Variants in CDCP1 observed in about 807,000 individuals in gnomAD.
CDCP1 encodes CUB domain containing protein 1.
Under a neutral mutation model 60.2 loss-of-function variants are expected in CDCP1, and 29 were observed. The observed-to-expected ratio is 0.48, with a 90% CI of 0.36 to 0.66. The LOEUF is 0.66. Ranked by LOEUF, CDCP1 falls within the 30% of genes least tolerant of loss-of-function variation. CDCP1 has a pLI of 0.00. For synonymous variants in CDCP1, 387 were observed against 431.1 expected (o/e 0.90, Z 1.27); for missense variants, 876 against 1,074.3 (o/e 0.82, Z 2.58).
intron 2 of CDCP1, among the ~76,000 whole-genome samples, chr3:45,114,444 T>A (rs186300372): frequency 1.3e-5 from 2 of 150,192 alleles, no homozygotes. Context: ...GGAGATGCAG[T>A]CTTGCTCTGT....
rs752110191 is a variant in CDCP1, at chr3:45,095,353, T to C, written c.1240A>G (p.Thr414Ala). Residue 414 changes from threonine (T) to alanine (A), a missense_variant, in exon 5 of 9, where the codon ACC becomes GCC. Physicochemically the swap from Thr to Ala is moderately conservative, Grantham distance 58. Coordinates refer to ENST00000296129, the MANE Select transcript of CDCP1 (RefSeq NM_022842.5). ...CACTGATTCAGGGGCGTACTTATGG[T>C]TTTTTCCACATTCATCCACAGACGT... is the stretch of plus-strand genomic sequence containing the variant. ...LTRLWMNVEK[T>A]ISCTDHRYCQ... 3 of 1,613,888 alleles carry C rather than the reference T, an allele frequency of 1.9e-6. No individual in the cohort carries two copies. In the African/African-American group the frequency reaches 4.0e-5, roughly 22 times the overall value.
At chr3:45,126,558 A>G (rs1475970856) in intron 1 of CDCP1, among the ~76,000 whole-genome samples, 1 of 152,144 alleles carries the variant, frequency 6.6e-6, no homozygotes, top group Non-Finnish European at 1.5e-5. Context: ...AGACTGGTAA[A>G]TTGAGGTGTA....
intron 6 of CDCP1, among the ~76,000 whole-genome samples, chr3:45,092,062 C>T (rs1450971940): frequency 4.6e-5 from 7 of 152,082 alleles, no homozygotes; most frequent in African/African-American, 1.4e-4. Context: ...CCCAAAGAGC[C>T]GGGATTATAG....
In CDCP1 at chr3:45,085,510, GTC is replaced by G; in HGVS notation, c.*126_*127del. ...CACTGAGCAATGTGAAGTTGGCGGT[GTC>G]CAGGAAAACCTCCTGCTGTTCCTTC... On this transcript the variant is annotated 3_prime_UTR_variant, in exon 9 of 9. Coordinates refer to ENST00000296129, the MANE Select transcript of CDCP1 (RefSeq NM_022842.5). This position sits in a 1 kb window ranked among gnomAD's most constrained non-coding sequence, Gnocchi z 4.2. 3 of 944,888 alleles carry G rather than the reference GTC, an allele frequency of 3.2e-6. No homozygotes were observed. The highest frequency in any genetic ancestry group is 3.4e-4 in the Middle Eastern group (1 of 2,940). The allele number at this position is 944,888 out of a possible 1,614,324, so 58.5% of individuals were successfully genotyped here. A position where few individuals can be genotyped will look rare whatever the true frequency, so the allele number is the denominator to read the frequency against.
At position 45,110,927 on chromosome 3, in the gene CDCP1, G is replaced by A. The variant is rs1239235736; in HGVS notation, c.656-86C>T. On this transcript the variant is annotated intron_variant, in intron 3 of 8. Coordinates refer to ENST00000296129, the MANE Select transcript of CDCP1 (RefSeq NM_022842.5). Reference sequence around the variant, plus strand: ...TCTGCAGCCGAGGGGTGGGGGTGTAGGAAAAATGACTGCAGTTCTCAGATC... The same window carrying A: ...TCTGCAGCCGAGGGGTGGGGGTGTAAGAAAAATGACTGCAGTTCTCAGATC... 2.7e-6 allele frequency: 4 copies of A among 1,458,958 alleles called. No individual in the cohort carries two copies. In the East Asian group the frequency reaches 6.8e-5, roughly 25 times the overall value. 90.4% of individuals were successfully genotyped at this position (1,458,958 alleles called of 1,614,324 possible).
Position 45,091,277 on chromosome 3 carries a change from CT to C in CDCP1, c.1888del (p.Ser630AlafsTer22). On this transcript the variant is annotated frameshift_variant, in exon 7 of 9. Coordinates refer to ENST00000296129, the MANE Select transcript of CDCP1 (RefSeq NM_022842.5). LOFTEE classifies it high-confidence loss of function. This position sits in a 1 kb window ranked among gnomAD's most constrained non-coding sequence, Gnocchi z 4.8. Reference protein sequence around the residue: ...SLDEDVLPKPSFHHHSFWVNI... With the variant: ...SLDEDVLPKPXFHHHSFWVNI... ...GACCCAGAAGCTGTGATGGTGGAAG[CT>C]TGGCTTGGGGAGCACATCCTCGTCC... 1 of 1,614,040 alleles carries C rather than the reference CT, an allele frequency of 6.2e-7. No individual in the cohort carries two copies. The highest frequency in any genetic ancestry group is 8.5e-7 in the Non-Finnish European group (1 of 1,180,032).
chr3:45,111,683 C>CA (rs1033409472), intron 3 of CDCP1, among the ~76,000 whole-genome samples: 4 of 152,090 alleles, frequency 2.6e-5, no homozygotes, highest in Non-Finnish European at 5.9e-5. Flanking sequence ...TCAAAACAAA[C>CA]AAAAACAAAA....
At chr3:45,098,419 A>G (rs1313522063) in intron 4 of CDCP1, among the ~76,000 whole-genome samples, 5 of 152,152 alleles carry the variant, frequency 3.3e-5, no homozygotes, top group Non-Finnish European at 7.3e-5. Flanking sequence ...CAAATCCGTG[A>G]CTGTGGTTAC....
chr3:45,093,066 T>C (rs1698323184), intron 6 of CDCP1, among the ~76,000 whole-genome samples: 1 of 152,310 alleles, frequency 6.6e-6, no homozygotes, highest in East Asian at 1.9e-4. Context: ...GTCAGAAACA[T>C]TTTTTATTTC....
chr3:45,097,605 C>T (rs979142626), intron 4 of CDCP1, among the ~76,000 whole-genome samples: 1 of 151,910 alleles, frequency 6.6e-6, no homozygotes, highest in African/African-American at 2.4e-5. Flanking sequence ...CACCCATCAG[C>T]GCCGGCGAAT....
intron 1 of CDCP1, among the ~76,000 whole-genome samples, chr3:45,124,011 G>A (rs116141221): frequency 3.6e-4 from 55 of 152,246 alleles, no homozygotes; most frequent in East Asian, 1.4e-3. Context: ...CAGCTCTCCT[G>A]CCTCCTGACC....
At position 45,085,926 on chromosome 3, in the gene CDCP1, C is replaced by T. The variant is rs1698183896; in HGVS notation, c.2223G>A (p.Met741Ile). Residue 741 changes from methionine to isoleucine, a missense_variant, in exon 9 of 9, where the codon ATG (methionine) becomes ATA (isoleucine). Transcript: ENST00000296129. This position sits in a 1 kb window ranked among gnomAD's most constrained non-coding sequence, Gnocchi z 4.2. ...SHVYAVIEDT[M>I]VYGHLLQDSS... is the part of the protein sequence containing the mutation. ...AATCCTGTAGCAGATGCCCATATAC[C>T]ATGGTGTCCTCGATGACTGCATACA... The T allele has an allele frequency of 6.2e-7, 1 of 1,614,198 alleles. No individual in the cohort carries two copies. Among genetic ancestry groups the T allele is most frequent in the Non-Finnish European group, 8.5e-7 (1 of 1,180,044 alleles).
intron 1 of CDCP1, among the ~76,000 whole-genome samples, chr3:45,136,093 C>T (rs1164190054): frequency 6.6e-6 from 1 of 152,124 alleles, no homozygotes; most frequent in East Asian, 1.9e-4. Context: ...CCAATATCTA[C>T]AGAATGAACA....
chr3:45,138,058 C>T (rs1699219235), intron 1 of CDCP1, among the ~76,000 whole-genome samples: 1 of 152,224 alleles, frequency 6.6e-6, no homozygotes, highest in Non-Finnish European at 1.5e-5. Context: ...AAGATAGCTG[C>T]AATCCCCAGG....
Position 45,091,184 on chromosome 3 carries a change from G to T in CDCP1, c.1982C>A (p.Pro661Gln). The stretch of plus-strand genomic sequence containing the variant: ...CTGAAGGCCCTTACCCACAGTCCTT[G>T]GGGTAAGTGTCACCGAGAAGAGCAG... ...LDLLFSVTLT[P>Q]RTVDLTVILI... Residue 661 changes from proline to glutamine, a missense_variant, in exon 7 of 9, where the codon CCA becomes CAA. Around this residue, in one of 2 missense-constraint regions of CDCP1, gnomAD observed 726 missense variants for 935.7 expected, o/e 0.78. Transcript: ENST00000296129. This position sits in a 1 kb window ranked among gnomAD's most constrained non-coding sequence, Gnocchi z 4.8. The T allele has an allele frequency of 6.2e-7, 1 of 1,612,392 alleles. No individual in the cohort carries two copies.
intron 7 of CDCP1, among the ~76,000 whole-genome samples, chr3:45,090,226 G>A (rs1379988593): frequency 1.3e-5 from 2 of 152,186 alleles, no homozygotes; most frequent in Admixed American, 1.3e-4. Context: ...GAAAAAAGCA[G>A]CCTCCACAGT....
At position 45,108,769 on chromosome 3, in the gene CDCP1, ATGCATGTATACATATATATGCATG is replaced by A. The variant is rs1698619761; in HGVS notation, c.1024+1680_1024+1703del. ...CATATATATGCATGTATATATATAT[ATGCATGTATACATATATATGCATG>A]TATATATATATATGCATGTATACAT... On this transcript the variant is annotated intron_variant, in intron 4 of 8. Coordinates refer to ENST00000296129, the MANE Select transcript of CDCP1 (RefSeq NM_022842.5). Among the ~76,000 whole-genome samples the A allele has an allele frequency of 7.9e-4, 65 of 81,910 alleles. 7 individuals are homozygous for A. The highest frequency in any genetic ancestry group is 9.5e-4 in the Non-Finnish European group (36 of 37,984). 53.7% of individuals were successfully genotyped at this position (81,910 alleles called of 152,430 possible).
Position 45,144,582 on chromosome 3 carries a change from C to G in CDCP1, c.82+1624G>C, listed in dbSNP as rs1047455189. ...GACCAAAATGGCAGCCTTCCCAGAT[C>G]ACAGGGAGAAATGAGACCAGGAACA... On this transcript the variant is annotated intron_variant, in intron 1 of 8. Coordinates refer to ENST00000296129, the MANE Select transcript of CDCP1 (RefSeq NM_022842.5). Among the ~76,000 whole-genome samples, 4 of 152,296 alleles carry G rather than the reference C, an allele frequency of 2.6e-5. No homozygotes were observed. The East Asian group carries it at 7.7e-4, about 29-fold the overall frequency.
intron 1 of CDCP1, among the ~76,000 whole-genome samples, chr3:45,124,846 C>T (rs1026853701): frequency 6.6e-6 from 1 of 152,200 alleles, no homozygotes; most frequent in Non-Finnish European, 1.5e-5. Context: ...CTCATATCCA[C>T]CCCAAGGGGA....
Sources: allele counts gnomAD v4.1 joint callset (sites outside exome capture counted in the v4.1 genomes callset), GRCh38; gene constraint gnomAD v4.1.1; regional missense constraint gnomAD v4.1.1; non-coding constraint Gnocchi (gnomAD v3.1); transcripts MANE v1.5; gene names NCBI Gene and HGNC (gene_info 2026-07-23, HGNC 2026-07-21).